CCDC146: variants seen among roughly 807,000 people sequenced by gnomAD.
CCDC146 encodes the protein coiled-coil domain containing 146.
A neutral mutation model predicts 119.3 loss-of-function variants in CCDC146; 92 were observed. That is an observed-to-expected ratio of 0.77 (90% CI 0.65 to 0.92). CCDC146 has a LOEUF of 0.92. Ranked by LOEUF, CCDC146 falls within the 40% of genes least tolerant of loss-of-function variation. CCDC146 has a pLI of 0.00. For missense variants in CCDC146, 1,000 were observed against 1,103.0 expected (o/e 0.91, Z 1.32); for synonymous variants, 372 against 371.8 (o/e 1.00, Z -0.01).
intron 2 of CCDC146, among the ~76,000 whole-genome samples, chr7:77,223,692 T>C (rs1266778901): frequency 6.6e-6 from 1 of 152,264 alleles, no homozygotes; most frequent in East Asian, 1.9e-4. Flanking sequence ...TGAATTCTTT[T>C]AACTGCATCA....
At chr7:77,133,704 T>C (rs1790819853) in intron 1 of CCDC146, among the ~76,000 whole-genome samples, 1 of 148,562 alleles carries the variant, frequency 6.7e-6, no homozygotes, top group African/African-American at 2.5e-5. Flanking sequence ...GGAGGTCCCA[T>C]ACAATGCAAT....
chr7:77,236,243 T>C (rs1447174602), intron 2 of CCDC146, among the ~76,000 whole-genome samples: 1 of 152,222 alleles, frequency 6.6e-6, no homozygotes, highest in Non-Finnish European at 1.5e-5. Flanking sequence ...TGTTTTATGA[T>C]GTCTGTTAAC....
At chr7:77,179,435 CA>C (rs1425441927) in intron 2 of CCDC146, among the ~76,000 whole-genome samples, 1 of 152,014 alleles carries the variant, frequency 6.6e-6, no homozygotes, top group Non-Finnish European at 1.5e-5. Context: ...CATCTATGCA[CA>C]AAGAAGTAAG....
rs1791911318 is a variant in CCDC146 at position 77,198,166 on chromosome 7, A to C, written c.156+30342A>C. 5 of 985,458 alleles carry C rather than the reference A, an allele frequency of 5.1e-6. No individual in the cohort carries two copies. The South Asian group carries it at 2.3e-4, about 46-fold the overall frequency. 61.0% of individuals were successfully genotyped at this position (985,458 alleles called of 1,614,324 possible). ...TTCGCAGTGTGCCAGGTACATTCAG[A>C]TGCAGGCTGCCAGGAGTATTACCAA... On this transcript the variant is annotated intron_variant, in intron 2 of 18. Transcript: ENST00000285871.
chr7:77,264,071 T>G (rs1793354619), intron 9 of CCDC146, among the ~76,000 whole-genome samples: 2 of 152,126 alleles, frequency 1.3e-5, no homozygotes, highest in Admixed American at 6.6e-5. Context: ...ATTTATGATA[T>G]ATATACTTCT....
chr7:77,180,050 T>C (rs1235893631), intron 2 of CCDC146, among the ~76,000 whole-genome samples: 2 of 152,126 alleles, frequency 1.3e-5, no homozygotes, highest in East Asian at 3.9e-4. Context: ...TCATTGTGTG[T>C]GTATACATAT....
In CCDC146 at chr7:77,255,803, G is replaced by T. The variant is rs956243301; in HGVS notation, c.508-530G>T. Among the ~76,000 whole-genome samples the T allele has an allele frequency of 2.0e-5, 3 of 152,332 alleles. 1 individual carries two copies. The highest frequency in any genetic ancestry group is 1.9e-4 in the East Asian group (1 of 5,186). On this transcript the variant is annotated intron_variant, in intron 5 of 18. Transcript: ENST00000285871. ...TCTGGGGTAGATGGTATTTGGGGAG[G>T]ATGTGCATGAGCTAGAGAAGTAATA...
chr7:77,181,935 A>C (rs1261386212), intron 2 of CCDC146, among the ~76,000 whole-genome samples: 2 of 151,892 alleles, frequency 1.3e-5, no homozygotes, highest in Non-Finnish European at 2.9e-5. Context: ...TCATATTTTA[A>C]CCTTTGTTCC....
intron 9 of CCDC146, among the ~76,000 whole-genome samples, chr7:77,272,244 T>C (rs559332580): frequency 2.2e-4 from 33 of 152,214 alleles, no homozygotes; most frequent in Non-Finnish European, 4.4e-4. Context: ...TTGTCAGACA[T>C]GTTTCACAAG....
At chr7:77,149,483 A>T (rs2117441628) in intron 1 of CCDC146, among the ~76,000 whole-genome samples, 1 of 152,286 alleles carries the variant, frequency 6.6e-6, no homozygotes, top group Middle Eastern at 3.4e-3. Flanking sequence ...GACTTATTAT[A>T]GGCTGGGTGC....
intron 1 of CCDC146, among the ~76,000 whole-genome samples, chr7:77,154,491 T>A (rs1228241107): frequency 7.2e-6 from 1 of 138,124 alleles, no homozygotes; most frequent in Non-Finnish European, 1.6e-5. Context: ...GTGTGTGATG[T>A]TCCCCTTCCT....
At chr7:77,264,112 G>A (rs984457933) in intron 9 of CCDC146, among the ~76,000 whole-genome samples, 8 of 151,928 alleles carry the variant, frequency 5.3e-5, no homozygotes, top group African/African-American at 1.9e-4. Flanking sequence ...ATTCCAACAG[G>A]TAGATTTATT....
chr7:77,277,749 A>G (rs17150890), intron 11 of CCDC146, among the ~76,000 whole-genome samples: 8,995 of 152,236 alleles, frequency 0.059, 875 homozygotes, highest in African/African-American at 0.21. Context: ...CTACACATCA[A>G]TCTTGGCTCT....
intron 9 of CCDC146, among the ~76,000 whole-genome samples, chr7:77,264,407 GC>G (rs1425881327): frequency 2.6e-5 from 4 of 152,074 alleles, no homozygotes; most frequent in African/African-American, 9.7e-5. Context: ...ACAGGCATGT[GC>G]CACCAATACA....
At chr7:77,199,668 T>A (rs571305378) in intron 2 of CCDC146, 1 of 1,614,220 alleles carries the variant, frequency 6.2e-7, no homozygotes, top group South Asian at 1.1e-5. Flanking sequence ...TGCTTTCTAG[T>A]CTCACTGGGC....
Position 77,241,106 on chromosome 7 carries a change from G to A in CCDC146, c.240-585G>A, listed in dbSNP as rs991187917. ...GGAGTCTCACTCTGTCGCCCAGGCG[G>A]GAGTGCAGTGGCTCAATCTCGGCTC... On this transcript the variant is annotated intron_variant, in intron 3 of 18. Coordinates refer to ENST00000285871, the MANE Select transcript of CCDC146 (RefSeq NM_020879.3). Among the ~76,000 whole-genome samples the A allele has an allele frequency of 2.5e-5, 3 of 119,586 alleles. 1 individual carries two copies. The highest frequency in any genetic ancestry group is 9.9e-5 in the African/African-American group (3 of 30,366). The allele number at this position is 119,586 out of a possible 152,430, so 78.5% of individuals were successfully genotyped here.
chr7:77,130,593 CTTTCTTTTTTTTTTTTTTTTT>C (rs1194257539), intron 1 of CCDC146, among the ~76,000 whole-genome samples: 1 of 138,578 alleles, frequency 7.2e-6, no homozygotes, highest in Non-Finnish European at 1.5e-5. Flanking sequence ...AATATCCTTT[CTTTCTTTTTTTTTTTTTTTTT>C]TTGAGACGGA....
chr7:77,182,957 G>A (rs1390117979), intron 2 of CCDC146, among the ~76,000 whole-genome samples: 1 of 152,000 alleles, frequency 6.6e-6, no homozygotes, highest in Non-Finnish European at 1.5e-5. Context: ...GATAATTTGT[G>A]AACTGAATAA....
chr7:77,289,860 C>T (rs1476772015), intron 17 of CCDC146, among the ~76,000 whole-genome samples: 1 of 152,220 alleles, frequency 6.6e-6, no homozygotes, highest in African/African-American at 2.4e-5. Context: ...CACACACACT[C>T]GAGTGTGTAG....
Sources: gnomAD v4.1 joint callset for allele counts (sites outside exome capture counted in the v4.1 genomes callset) on GRCh38, gnomAD v4.1.1 for gene constraint, MANE v1.5 for transcripts, NCBI Gene and HGNC (gene_info 2026-07-23, HGNC 2026-07-21) for gene names.